ACTN4: variants seen among roughly 807,000 people sequenced by gnomAD.
ACTN4 encodes alpha-actinin-4.
ACTN4 carries 18 observed loss-of-function variants against 114.2 expected under a neutral mutation model. That is an observed-to-expected ratio of 0.16 (90% confidence interval 0.11 to 0.23). The LOEUF is 0.23. ACTN4 is among the 10% of genes least tolerant of loss of function. ACTN4 has a pLI of 1.00. For missense variants in ACTN4, 722 were observed against 1,262.9 expected (o/e 0.57, Z 6.49); for synonymous variants, 515 against 506.3 (o/e 1.02, Z -0.23).
intron 5 of ACTN4, among the ~76,000 whole-genome samples, chr19:38,707,378 C>T (rs1455510949): frequency 6.6e-6 from 1 of 152,028 alleles, no homozygotes; most frequent in African/African-American, 2.4e-5. Context: ...GCCAGTAATC[C>T]TGCAGCATAA....
At chr19:38,692,762 G>T (rs972222426) in intron 1 of ACTN4, among the ~76,000 whole-genome samples, 1 of 152,138 alleles carries the variant, frequency 6.6e-6, no homozygotes, top group African/African-American at 2.4e-5. Context: ...ATAAATAGCT[G>T]TACCTCCCCT....
chr19:38,723,211 C>T lies in ACTN4; in HGVS notation c.1443-403C>T, dbSNP rs117551322. On this transcript the variant is annotated intron_variant, in intron 12 of 20. Coordinates refer to ENST00000252699, the MANE Select transcript of ACTN4 (RefSeq NM_004924.6). ...GGAGCACAGCCTCAGCCCCTGTCCG[C>T]TGTCTGTGGCTGGCTCGCCTGCTCC... Among the ~76,000 whole-genome samples, 847 of 152,304 alleles carry T rather than the reference C, an allele frequency of 5.6e-3. 26 individuals are homozygous for T. The highest frequency in any genetic ancestry group is 0.045 in the East Asian group (231 of 5,174).
intron 1 of ACTN4, among the ~76,000 whole-genome samples, chr19:38,662,103 C>G (rs41482151): frequency 0.15 from 23,153 of 152,152 alleles, 2,054 homozygotes; most frequent in Middle Eastern, 0.36. Context: ...CAGGCTGATT[C>G]AGTCTGAGGT....
intron 19 of ACTN4, 88 bp downstream of exon 19, chr19:38,728,114 C>T: frequency 6.8e-7 from 1 of 1,473,264 alleles, no homozygotes; most frequent in African/African-American, 1.4e-5. Context: ...CCATCCCACC[C>T]CTGCCATCCT....
At chr19:38,662,629 A>G (rs532422939) in intron 1 of ACTN4, among the ~76,000 whole-genome samples, 12 of 152,326 alleles carry the variant, frequency 7.9e-5, no homozygotes, top group African/African-American at 2.9e-4. Flanking sequence ...TATAAAATCA[A>G]TTCAGAGTGG....
At position 38,652,050 on chromosome 19, in the gene ACTN4, A is replaced by G. The variant is rs73552655; in HGVS notation, c.162+4143A>G. On this transcript the variant is annotated intron_variant, in intron 1 of 20. Transcript: ENST00000252699. ...TGCCCTGCCTTGTTTTTCTTGAAGT[A>G]GATCTTTTTTTCTTTTTAAAGGCTG... Among the ~76,000 whole-genome samples the G allele has an allele frequency of 8.8e-3, 1,333 of 152,196 alleles. 17 individuals carry two copies. The highest frequency in any genetic ancestry group is 0.031 in the African/African-American group (1,285 of 41,516).
At position 38,729,902 on chromosome 19, in the gene ACTN4, C is replaced by T. The variant is rs1969424596; in HGVS notation, c.*470C>T. The T allele has an allele frequency of 2.8e-6, 1 of 353,758 alleles. No homozygotes were observed. The highest frequency in any genetic ancestry group is 2.1e-5 in the South Asian group (1 of 47,680). 21.9% of individuals were successfully genotyped at this position (353,758 alleles called of 1,614,324 possible). A position where few individuals can be genotyped will look rare whatever the true frequency, so the allele number is the denominator to read the frequency against. On this transcript the variant is annotated 3_prime_UTR_variant, in exon 21 of 21. Transcript: ENST00000252699. ...GCCACCACCACCTGACGGCTGGGGA[C>T]CCACCCAGCCCCTCTCCCCTCTCTG...
Position 38,729,286 on chromosome 19 carries a change from G to A in ACTN4, c.2590G>A (p.Ala864Thr), listed in dbSNP as rs1378969805. The change falls in exon 21 of 21, where the codon GCT becomes ACT. Residue 864 changes from alanine (A) to threonine (T), a missense_variant. Ala to Thr is a moderately conservative substitution (Grantham distance 58, BLOSUM62 0). This residue lies in a region of ACTN4 where 523 missense variants were observed against 875.9 expected (regional missense o/e 0.60). Transcript: ENST00000252699. Reference sequence around the variant, plus strand: ...CTGCCTGCCCCAGAACTTCATCACAGCTGAGGAGCTGCGGAGAGAGCTGCC... The same window carrying A: ...CTGCCTGCCCCAGAACTTCATCACAACTGAGGAGCTGCGGAGAGAGCTGCC... ...VLAGDKNFIT[A>T]EELRRELPPD... 6.2e-7 allele frequency: 1 copy of A among 1,612,750 alleles called. No individual in the cohort carries two copies. The highest frequency in any genetic ancestry group is 1.3e-5 in the African/African-American group (1 of 74,928).
chr19:38,660,256 G>C (rs555866501), intron 1 of ACTN4, among the ~76,000 whole-genome samples: 9 of 152,296 alleles, frequency 5.9e-5, no homozygotes, highest in Admixed American at 1.3e-4. Context: ...TCACAGGCTG[G>C]TGGGGGAGAC....
chr19:38,712,958 C>T (rs1432746025), intron 8 of ACTN4, among the ~76,000 whole-genome samples: 1 of 135,374 alleles, frequency 7.4e-6, no homozygotes, highest in Non-Finnish European at 1.7e-5. Flanking sequence ...ACTGGCCCCT[C>T]TCTGAGGGGG....
intron 19 of ACTN4, chr19:38,728,432 C>CTCT: frequency 9.5e-7 from 1 of 1,047,656 alleles, no homozygotes; most frequent in Non-Finnish European, 1.3e-6. Flanking sequence ...CCTCCTCCTC[C>CTCT]TCCTCCTCCT....
At position 38,673,528 on chromosome 19, in the gene ACTN4, C is replaced by G. The variant is rs8182552; in HGVS notation, c.162+25621C>G. 9.3e-4 allele frequency among the ~76,000 whole-genome samples: 59 copies of G among 63,204 alleles called. 1 individual carries two copies. Among genetic ancestry groups the G allele is most frequent in the Non-Finnish European group, 1.5e-3 (43 of 28,208 alleles). The allele number at this position is 63,204 out of a possible 152,430, so 41.5% of individuals were successfully genotyped here. ...ATATGAATATATATTTATATATATTCATATATACTTATATATATTTATATA... is the reference window on the plus strand; with the variant it reads ...ATATGAATATATATTTATATATATTGATATATACTTATATATATTTATATA... On this transcript the variant is annotated intron_variant, in intron 1 of 20. Coordinates refer to ENST00000252699, the MANE Select transcript of ACTN4 (RefSeq NM_004924.6).
intron 1 of ACTN4, among the ~76,000 whole-genome samples, chr19:38,667,637 C>T (rs765015579): frequency 1.9e-4 from 28 of 150,806 alleles, no homozygotes; most frequent in Admixed American, 6.6e-4. Flanking sequence ...ACTAGGTGCA[C>T]GGTGCCCCAT....
intron 12 of ACTN4, 81 bp downstream of exon 12, chr19:38,721,769 C>T (rs1286322592): frequency 6.3e-7 from 1 of 1,584,492 alleles, no homozygotes; most frequent in South Asian, 1.1e-5. Flanking sequence ...ACGCCGAGGC[C>T]CAGCCTGCCT....
Position 38,700,904 on chromosome 19 carries a change from G to A in ACTN4, c.278-98G>A, listed in dbSNP as rs73038909. ...TGGGCCAGCAGAGGAACCTGCTTTT[G>A]GAGAACAGAGGAGACTCTAAAGCCT... On this transcript the variant is annotated intron_variant, in intron 2 of 20. Coordinates refer to ENST00000252699, the MANE Select transcript of ACTN4 (RefSeq NM_004924.6). 258,380 of 1,536,884 alleles carry A rather than the reference G, an allele frequency of 0.17. 23,157 individuals are homozygous for A. The highest frequency in any genetic ancestry group is 0.3 in the Middle Eastern group (1,293 of 4,332).
In ACTN4 at chr19:38,708,191, G is replaced by A; in HGVS notation, c.647G>A (p.Arg216Lys). 1 of 1,614,184 alleles carries A rather than the reference G, an allele frequency of 6.2e-7. No individual in the cohort carries two copies. Among genetic ancestry groups the A allele is most frequent in the South Asian group, 1.1e-5 (1 of 91,084 alleles). ...GAGCTGATTGAGTATGACAAGCTGA[G>A]GAAGGTGAGTGTCTCCAGCTCCCCT... Reference protein sequence around the residue: ...RPELIEYDKLRKDDPVTNLNN... With the variant: ...RPELIEYDKLKKDDPVTNLNN... The change falls in exon 6 of 21, where the codon AGG becomes AAG. Residue 216 changes from arginine (R) to lysine (K), a missense_variant. Physicochemically the swap from Arg to Lys is conservative, Grantham distance 26. Around this residue, in one of 3 missense-constraint regions of ACTN4, gnomAD observed 127 missense variants for 311.3 expected, o/e 0.41. Transcript: ENST00000252699.
intron 1 of ACTN4, among the ~76,000 whole-genome samples, chr19:38,668,755 G>A (rs1433543814): frequency 1.3e-5 from 2 of 152,218 alleles, no homozygotes; most frequent in East Asian, 1.9e-4. Context: ...GTGTTAGGGC[G>A]ATATGCAGAT....
rs575966776 is a variant in ACTN4 at position 38,709,397 on chromosome 19, C to A, written c.654C>A (p.Asp218Glu). Residue 218 changes from aspartate to glutamate, a missense_variant and splice_region_variant, in exon 7 of 21, where the codon GAC becomes GAA. Asp to Glu is a conservative substitution (Grantham distance 45). Around this residue, in one of 3 missense-constraint regions of ACTN4, gnomAD observed 127 missense variants for 311.3 expected, o/e 0.41. Transcript: ENST00000252699. ...ELIEYDKLRK[D>E]DPVTNLNNAF... ...TGTCCCCACTTGCCTCCTTCTAGGA[C>A]GACCCTGTCACCAACCTGAACAATG... is the stretch of plus-strand genomic sequence containing the variant. 2 of 1,613,738 alleles carry A rather than the reference C, an allele frequency of 1.2e-6. No homozygotes were observed. The highest frequency in any genetic ancestry group is 1.7e-6 in the Non-Finnish European group (2 of 1,179,714).
chr19:38,730,662 T>G lies in ACTN4; in HGVS notation c.*1230T>G. The G allele has an allele frequency of 1.5e-6, 1 of 660,340 alleles. No individual in the cohort carries two copies. Among genetic ancestry groups the G allele is most frequent in the Non-Finnish European group, 2.6e-6 (1 of 378,298 alleles). The allele number at this position is 660,340 out of a possible 1,614,324, so 40.9% of individuals were successfully genotyped here. A position where few individuals can be genotyped will look rare whatever the true frequency, so the allele number is the denominator to read the frequency against. On this transcript the variant is annotated 3_prime_UTR_variant, in exon 21 of 21. Transcript: ENST00000252699. ...CGTGTCATCTGCTCGAGAAGGGCTG[T>G]CGCTGTTCTTGTTTCTGAGTGAGGA...
Sources: gnomAD v4.1 joint callset for allele counts (sites outside exome capture counted in the v4.1 genomes callset) on GRCh38, gnomAD v4.1.1 for gene constraint, gnomAD v4.1.1 regional missense constraint, MANE v1.5 for transcripts, NCBI Gene and HGNC (gene_info 2026-07-23, HGNC 2026-07-21) for gene names.